Variants in SDK1 observed in about 807,000 individuals in gnomAD.
SDK1 encodes sidekick cell adhesion molecule 1.
In SDK1, 157 loss-of-function variants were observed where a neutral mutation model predicts 245.5. The observed-to-expected ratio is 0.64, with a 90% CI of 0.56 to 0.73. SDK1 has a LOEUF of 0.73. SDK1 is among the 30% of genes least tolerant of loss of function. SDK1 has a pLI of 0.00. For missense variants in SDK1, 3,583 were observed against 3,002.3 expected, an observed-to-expected ratio of 1.19 and a Z score of -4.52; for synonymous variants, 1,647 against 1,278.5, an observed-to-expected ratio of 1.29 and a Z score of -6.15.
At chr7:3,472,723 G>A (rs377547386) in intron 1 of SDK1, among the ~76,000 whole-genome samples, 17 of 152,272 alleles carry the variant, frequency 1.1e-4, no homozygotes, top group Admixed American at 4.6e-4. Flanking sequence ...CTAGATTACT[G>A]AATTTGCATT....
chr7:4,095,984 C>G (rs941558692), intron 22 of SDK1, among the ~76,000 whole-genome samples: 1 of 152,212 alleles, frequency 6.6e-6, no homozygotes. Flanking sequence ...AAGAGGGGTT[C>G]CTGCTCCATC....
chr7:3,479,390 C>G (rs906129376), intron 1 of SDK1, among the ~76,000 whole-genome samples: 3 of 137,032 alleles, frequency 2.2e-5, no homozygotes, highest in Non-Finnish European at 4.5e-5. Flanking sequence ...CCACTGCACT[C>G]CAGCCTGGGT....
Position 4,158,561 on chromosome 7 carries a change from C to G in SDK1, c.4729+10C>G. The G allele has an allele frequency of 1.2e-6, 2 of 1,603,024 alleles. No individual in the cohort carries two copies. Among genetic ancestry groups the G allele is most frequent in the Non-Finnish European group, 1.7e-6 (2 of 1,170,874 alleles). On this transcript the variant is annotated intron_variant, in intron 31 of 44. Transcript: ENST00000404826. ...ACCACGCTGCAGGATGGTGAGCAAC[C>G]CGGGGCCCAGACCGCGTTCCTGGCC... is the stretch of plus-strand genomic sequence containing the variant.
chr7:3,372,844 C>G (rs1781261208), intron 1 of SDK1, among the ~76,000 whole-genome samples: 1 of 152,124 alleles, frequency 6.6e-6, no homozygotes, highest in Non-Finnish European at 1.5e-5. Flanking sequence ...ATTTCAAAAG[C>G]CAGAGTTACC....
intron 40 of SDK1, 75 bp from the exon 41 acceptor site, chr7:4,233,180 A>G: frequency 2.1e-6 from 3 of 1,450,316 alleles, no homozygotes; most frequent in East Asian, 4.6e-5. Context: ...CCGACCCACC[A>G]GGCAGGTGCA....
At chr7:3,715,333 C>T (rs1342683669) in intron 4 of SDK1, among the ~76,000 whole-genome samples, 2 of 152,094 alleles carry the variant, frequency 1.3e-5, no homozygotes, top group African/African-American at 4.8e-5. Flanking sequence ...ATATTTGACC[C>T]AGCATTTTCC....
At chr7:3,389,685 AGCCT>A (rs1294695126) in intron 1 of SDK1, among the ~76,000 whole-genome samples, 1 of 152,188 alleles carries the variant, frequency 6.6e-6, no homozygotes, top group African/African-American at 2.4e-5. Flanking sequence ...GAATTGCTTG[AGCCT>A]GGGAGGTAGA....
At chr7:3,974,284 T>C (rs2128134092) in intron 12 of SDK1, 85 bp from the exon 13 acceptor site, 2 of 1,146,754 alleles carry the variant, frequency 1.7e-6, no homozygotes, top group South Asian at 1.6e-5. Flanking sequence ...AGATTGTTAG[T>C]TGCTTGCTTT....
intron 5 of SDK1, among the ~76,000 whole-genome samples, chr7:3,836,302 A>T (rs1009174707): frequency 6.6e-6 from 1 of 152,240 alleles, no homozygotes; most frequent in African/African-American, 2.4e-5. Flanking sequence ...TGATATCCTT[A>T]TAACTTATGT....
At chr7:3,590,778 CTTTT>C (rs34165148) in intron 1 of SDK1, among the ~76,000 whole-genome samples, 3 of 115,230 alleles carry the variant, frequency 2.6e-5, no homozygotes, top group South Asian at 3.1e-4. Context: ...GAGTATAGCA[CTTTT>C]TTTTTTTTTT....
chr7:3,848,765 G>A (rs191413068), intron 5 of SDK1, among the ~76,000 whole-genome samples: 138 of 151,568 alleles, frequency 9.1e-4, no homozygotes, highest in African/African-American at 2.9e-3. Flanking sequence ...TCCGCCTCCC[G>A]AGTTCAAGCA....
chr7:3,663,606 G>C (rs1244661689), intron 4 of SDK1, among the ~76,000 whole-genome samples: 1 of 152,076 alleles, frequency 6.6e-6, no homozygotes, highest in African/African-American at 2.4e-5. Flanking sequence ...TGACATGCAG[G>C]GTAATCACCT....
intron 1 of SDK1, among the ~76,000 whole-genome samples, chr7:3,328,419 A>G (rs533247245): frequency 2.0e-5 from 3 of 152,222 alleles, no homozygotes; most frequent in South Asian, 4.1e-4. Flanking sequence ...TCATGCTAAC[A>G]TTCTAGTTCA....
intron 1 of SDK1, among the ~76,000 whole-genome samples, chr7:3,603,901 A>G (rs1165960645): frequency 6.6e-6 from 1 of 152,154 alleles, no homozygotes; most frequent in African/African-American, 2.4e-5. Flanking sequence ...ATGGTTGTTG[A>G]ATTTTGTCAA....
intron 20 of SDK1, among the ~76,000 whole-genome samples, chr7:4,073,482 G>A (rs1780397613): frequency 6.6e-6 from 1 of 152,198 alleles, no homozygotes; most frequent in African/African-American, 2.4e-5. Context: ...TGAAGATGCT[G>A]GAATTGCCGT....
chr7:3,864,714 G>A (rs1442268287), intron 5 of SDK1, among the ~76,000 whole-genome samples: 1 of 152,080 alleles, frequency 6.6e-6, no homozygotes, highest in Non-Finnish European at 1.5e-5. Context: ...GCTTAGTAAC[G>A]GGAAAGAGGA....
chr7:4,077,389 C>T (rs187630087), intron 21 of SDK1, among the ~76,000 whole-genome samples, 200 bp downstream of exon 21: 31 of 152,366 alleles, frequency 2.0e-4, no homozygotes, highest in Middle Eastern at 6.8e-3. Context: ...CACGGCCTCA[C>T]GTCCCTTCTG....
At chr7:4,081,228 G>C (rs1467896495) in intron 22 of SDK1, among the ~76,000 whole-genome samples, 2 of 152,194 alleles carry the variant, frequency 1.3e-5, no homozygotes, top group Non-Finnish European at 2.9e-5. Flanking sequence ...GGCAGGCCTA[G>C]GAGTGGATGA....
intron 44 of SDK1, among the ~76,000 whole-genome samples, chr7:4,246,915 G>A (rs140900646): frequency 6.6e-6 from 1 of 152,196 alleles, no homozygotes; most frequent in African/African-American, 2.4e-5. Context: ...CAGCAAGGCA[G>A]CCACGAGGGG....
Sources: gnomAD v4.1 joint callset for allele counts (sites outside exome capture counted in the v4.1 genomes callset) on GRCh38, gnomAD v4.1.1 for gene constraint, MANE v1.5 for transcripts, NCBI Gene and HGNC (gene_info 2026-07-23, HGNC 2026-07-21) for gene names.